The following HSPA12A variants were observed in gnomAD, a reference collection of about 807,000 sequenced individuals.
The protein encoded by HSPA12A is heat shock 70 kDa protein 12A.
A neutral mutation model predicts 69.2 loss-of-function variants in HSPA12A; 28 were observed. The ratio of observed to expected loss-of-function variants is 0.40; its 90% CI spans 0.30 to 0.55. HSPA12A has a LOEUF of 0.55. Among genes scored for constraint, HSPA12A ranks in the 20% least tolerant of loss-of-function variants. HSPA12A has a pLI of 0.38. For missense variants in HSPA12A, 686 were observed against 900.7 expected (o/e 0.76, Z 3.05); for synonymous variants, 345 against 370.5 (o/e 0.93, Z 0.79).
intron 2 of HSPA12A, among the ~76,000 whole-genome samples, chr10:116,811,925 C>T (rs1845196265): frequency 6.6e-6 from 1 of 152,196 alleles, no homozygotes; most frequent in South Asian, 2.1e-4. Flanking sequence ...TAGTAGCCCT[C>T]CCTCAATGGC....
At chr10:116,717,635 C>T (rs928495485) in intron 1 of HSPA12A, among the ~76,000 whole-genome samples, 8 of 151,976 alleles carry the variant, frequency 5.3e-5, no homozygotes, top group African/African-American at 7.3e-5. Context: ...GGCAAGCACC[C>T]GATACATTAT....
chr10:116,690,183 A>T (rs1207918640), intron 6 of HSPA12A, among the ~76,000 whole-genome samples: 2 of 152,220 alleles, frequency 1.3e-5, no homozygotes, highest in African/African-American at 4.8e-5. Context: ...TCCAGAAGAC[A>T]GGCTAAAGAG....
intron 1 of HSPA12A, among the ~76,000 whole-genome samples, chr10:116,848,498 G>C (rs1404245501): frequency 6.6e-6 from 1 of 152,182 alleles, no homozygotes; most frequent in Non-Finnish European, 1.5e-5. Context: ...TTCCAGAGGG[G>C]GGAAAGTGTG....
Position 116,701,026 on chromosome 10 carries a change from C to T in HSPA12A, c.358G>A (p.Asp120Asn). The T allele has an allele frequency of 1.2e-6, 2 of 1,614,070 alleles. No homozygotes were observed. Among genetic ancestry groups the T allele is most frequent in the Non-Finnish European group, 1.7e-6 (2 of 1,180,020 alleles). ...KFHSFGYAARDFYHDLDPNEA... is the reference protein window; with the variant it reads ...KFHSFGYAARNFYHDLDPNEA... ...TTGGGATCCAGGTCATGGTAAAAGT[C>T]CCTGGCGGCATACCCGAAGCTGTGG... The change falls in exon 4 of 12, where the codon GAC becomes AAC. Residue 120 changes from aspartate to asparagine, a missense_variant. Transcript: ENST00000369209.
chr10:116,823,107 C>G (rs958461903), intron 2 of HSPA12A, among the ~76,000 whole-genome samples: 1 of 152,216 alleles, frequency 6.6e-6, no homozygotes, highest in African/African-American at 2.4e-5. Context: ...TGAACATCCA[C>G]TGTCTTCAGT....
chr10:116,734,334 C>A (rs1384755541), intron 1 of HSPA12A, among the ~76,000 whole-genome samples: 2 of 151,886 alleles, frequency 1.3e-5, no homozygotes, highest in East Asian at 1.9e-4. Flanking sequence ...CCTGTAGTCC[C>A]AGCTACTCGG....
intron 1 of HSPA12A, among the ~76,000 whole-genome samples, chr10:116,720,106 G>A (rs1470196323): frequency 6.6e-6 from 1 of 152,184 alleles, no homozygotes; most frequent in Non-Finnish European, 1.5e-5. Flanking sequence ...ATTTTATGTG[G>A]TGAGTTTTAT....
At chr10:116,692,139 T>C (rs1849753813) in intron 6 of HSPA12A, among the ~76,000 whole-genome samples, 1 of 152,216 alleles carries the variant, frequency 6.6e-6, no homozygotes, top group Non-Finnish European at 1.5e-5. Flanking sequence ...CAGCTCTTGT[T>C]GTGGGACTGA....
intron 6 of HSPA12A, 23 bp downstream of exon 6, chr10:116,692,328 A>C (rs1589633064): frequency 5.7e-6 from 9 of 1,591,700 alleles, no homozygotes; most frequent in Non-Finnish European, 7.8e-6. Flanking sequence ...TCCGGCTTCC[A>C]CCCGCCCTGA....
chr10:116,831,355 G>A (rs1845610727), intron 2 of HSPA12A: 1 of 152,198 alleles, frequency 6.6e-6, no homozygotes, highest in East Asian at 1.9e-4. Flanking sequence ...TGTTTGGCAG[G>A]GGAACAAAAG....
chr10:116,749,496 C>G (rs1353816403), intron 2 of HSPA12A, among the ~76,000 whole-genome samples: 1 of 152,224 alleles, frequency 6.6e-6, no homozygotes, highest in Non-Finnish European at 1.5e-5. Context: ...GAAGAATTTG[C>G]CCCACGGCAT....
intron 2 of HSPA12A, among the ~76,000 whole-genome samples, chr10:116,784,915 C>G (rs1452054221): frequency 6.6e-6 from 1 of 152,166 alleles, no homozygotes; most frequent in Non-Finnish European, 1.5e-5. Flanking sequence ...CAACAGCAGA[C>G]AGGGAGGCAG....
At chr10:116,778,254 T>C (rs540465500) in intron 2 of HSPA12A, among the ~76,000 whole-genome samples, 34 of 152,316 alleles carry the variant, frequency 2.2e-4, no homozygotes, top group Non-Finnish European at 3.1e-4. Context: ...TGATTGCTAG[T>C]AGGTTTTTTC....
intron 2 of HSPA12A, among the ~76,000 whole-genome samples, chr10:116,801,561 G>C (rs1433685838): frequency 1.3e-5 from 2 of 152,060 alleles, no homozygotes; most frequent in African/African-American, 4.8e-5. Flanking sequence ...CCTTGCACTG[G>C]ATCTAAATTC....
In HSPA12A at chr10:116,723,694, G is replaced by A. The variant is rs1373469826; in HGVS notation, c.41-16409C>T. Among the ~76,000 whole-genome samples the A allele has an allele frequency of 2.0e-5, 3 of 152,196 alleles. No individual in the cohort carries two copies. Among genetic ancestry groups the A allele is most frequent in the Non-Finnish European group, 4.4e-5 (3 of 68,036 alleles). ...AGACCCACTGCGCACACGTGCTGAG[G>A]TTTTAAAACTGAATCTCCAGCCTGA... On this transcript the variant is annotated intron_variant, in intron 1 of 11. Coordinates refer to ENST00000369209, the MANE Select transcript of HSPA12A (RefSeq NM_025015.3). The surrounding 1 kb of genome is among the most constrained non-coding windows in gnomAD (Gnocchi z 4.1).
At chr10:116,780,066 G>A (rs542542127) in intron 2 of HSPA12A, among the ~76,000 whole-genome samples, 5 of 152,256 alleles carry the variant, frequency 3.3e-5, no homozygotes, top group African/African-American at 4.8e-5. Flanking sequence ...TCCTTCTCAC[G>A]CGAAGGGCAA....
chr10:116,808,174 A>G (rs1395551967), intron 2 of HSPA12A, among the ~76,000 whole-genome samples: 1 of 152,106 alleles, frequency 6.6e-6, no homozygotes, highest in Non-Finnish European at 1.5e-5. Context: ...GAGTTTGGCG[A>G]AGGGGCCTTG....
chr10:116,703,838 A>G (rs1268940955), intron 3 of HSPA12A, among the ~76,000 whole-genome samples: 1 of 152,224 alleles, frequency 6.6e-6, no homozygotes, highest in African/African-American at 2.4e-5. Flanking sequence ...GCATCCCAGG[A>G]GGCCCAGGGC....
chr10:116,716,434 G>T (rs2133012179), intron 1 of HSPA12A, among the ~76,000 whole-genome samples: 1 of 150,538 alleles, frequency 6.6e-6, no homozygotes, highest in South Asian at 2.1e-4. Flanking sequence ...CTCCCGAAAG[G>T]CAGGTGTGTG....
Sources: allele counts gnomAD v4.1 joint callset (sites outside exome capture counted in the v4.1 genomes callset), GRCh38; gene constraint gnomAD v4.1.1; non-coding constraint Gnocchi (gnomAD v3.1); transcripts MANE v1.5; gene names NCBI Gene and HGNC (gene_info 2026-07-23, HGNC 2026-07-21).